Variants in CIMIP7 observed in about 807,000 individuals in gnomAD.
The protein encoded by CIMIP7 is uncharacterized protein C3orf84.
chr3:49,189,131 AGC>A, the CIMIP7 span, among the ~76,000 whole-genome samples: 2 of 151,990 alleles, frequency 1.3e-5, no homozygotes, highest in Non-Finnish European at 2.9e-5. Context: ...CACCAAGCCC[AGC>A]TAATTTTGTA....
chr3:49,183,044 A>G, the CIMIP7 span, among the ~76,000 whole-genome samples: 1 of 152,156 alleles, frequency 6.6e-6, no homozygotes, highest in Non-Finnish European at 1.5e-5. Context: ...GGGCCTCGGC[A>G]AGCCCAGGAA....
chr3:49,190,491 T>G, the CIMIP7 span, among the ~76,000 whole-genome samples: 2 of 148,700 alleles, frequency 1.3e-5, no homozygotes, highest in South Asian at 2.1e-4. Context: ...TGTTGTTCTC[T>G]CCACAATTTT....
the CIMIP7 span, among the ~76,000 whole-genome samples, chr3:49,181,219 G>A: frequency 1.3e-5 from 2 of 151,726 alleles, no homozygotes; most frequent in Admixed American, 1.3e-4. Flanking sequence ...GTGGGCGCCT[G>A]TAATCCCAGC....
At chr3:49,178,810 C>A in the CIMIP7 span, among the ~76,000 whole-genome samples, 1 of 152,174 alleles carries the variant, frequency 6.6e-6, no homozygotes, top group African/African-American at 2.4e-5. Context: ...CTAGAACATC[C>A]TCCCATCAGG....
At chr3:49,178,399 C>T in the CIMIP7 span, 1 of 1,293,906 alleles carries the variant, frequency 7.7e-7, no homozygotes, top group Non-Finnish European at 1.1e-6. Context: ...CAGTGTCATC[C>T]CCTCCACCCT....
At chr3:49,178,377 G>A in the CIMIP7 span, 1 of 1,034,366 alleles carries the variant, frequency 9.7e-7, no homozygotes, top group African/African-American at 1.6e-5. Flanking sequence ...GCCTTCATAA[G>A]GAGCCCTCCC....
the CIMIP7 span, among the ~76,000 whole-genome samples, chr3:49,180,027 C>T: frequency 1.3e-5 from 2 of 152,138 alleles, no homozygotes; most frequent in African/African-American, 2.4e-5. Context: ...AATCCCAGCA[C>T]TTTGGGAGGC....
chr3:49,191,016 T>C, the CIMIP7 span, among the ~76,000 whole-genome samples: 1 of 152,130 alleles, frequency 6.6e-6, no homozygotes, highest in Admixed American at 6.6e-5. Flanking sequence ...AATAAGCAAC[T>C]ATCAGAGGTC....
At chr3:49,191,840 A>C in the CIMIP7 span, 1 of 1,474,474 alleles carries the variant, frequency 6.8e-7, no homozygotes, top group Non-Finnish European at 9.2e-7. Flanking sequence ...CAGGAAAGAG[A>C]ATCTCTGGAG....
At chr3:49,191,615 G>A in the CIMIP7 span, 3 of 974,520 alleles carry the variant, frequency 3.1e-6, no homozygotes, top group Non-Finnish European at 4.9e-6. Context: ...GAGAGGAAGT[G>A]GGCGGCTCAG....
At chr3:49,191,632 A>G in the CIMIP7 span, 1 of 1,216,908 alleles carries the variant, frequency 8.2e-7, no homozygotes. Context: ...TCAGGGTCCT[A>G]TTCCAGGTTG....
chr3:49,185,054 G>C, the CIMIP7 span, among the ~76,000 whole-genome samples: 1 of 151,864 alleles, frequency 6.6e-6, no homozygotes, highest in East Asian at 2.0e-4. Flanking sequence ...CTGAGGTCGG[G>C]AGTTCAAGAC....
chr3:49,188,736 C>T, the CIMIP7 span, among the ~76,000 whole-genome samples: 5 of 152,080 alleles, frequency 3.3e-5, no homozygotes, highest in Non-Finnish European at 5.9e-5. Context: ...CATACCCTTC[C>T]GAGTTCTGCT....
the CIMIP7 span, among the ~76,000 whole-genome samples, chr3:49,185,346 C>T: frequency 4.6e-5 from 7 of 151,908 alleles, no homozygotes; most frequent in Non-Finnish European, 5.9e-5. Flanking sequence ...AGGTGGATCA[C>T]CCGAGATCAG....
the CIMIP7 span, among the ~76,000 whole-genome samples, chr3:49,185,394 G>A: frequency 6.6e-6 from 1 of 150,842 alleles, no homozygotes; most frequent in East Asian, 2.0e-4. Context: ...GTGAAACCCT[G>A]TCTCTACTAA....
chr3:49,186,889 G>T, the CIMIP7 span, among the ~76,000 whole-genome samples: 1 of 152,174 alleles, frequency 6.6e-6, no homozygotes, highest in East Asian at 1.9e-4. Flanking sequence ...AAGTGTAAAA[G>T]AAATCTCTAT....
At chr3:49,187,024 A>G in the CIMIP7 span, among the ~76,000 whole-genome samples, 2 of 152,202 alleles carry the variant, frequency 1.3e-5, no homozygotes, top group African/African-American at 2.4e-5. Flanking sequence ...ATCCTCAGCT[A>G]CTGAATTACA....
the CIMIP7 span, chr3:49,178,540 T>C: frequency 6.2e-7 from 1 of 1,612,938 alleles, no homozygotes; most frequent in Non-Finnish European, 8.5e-7. Flanking sequence ...CGCCGGCTCC[T>C]TGAAAGACAG....
the CIMIP7 span, among the ~76,000 whole-genome samples, chr3:49,186,942 A>G: frequency 3.3e-5 from 5 of 152,166 alleles, no homozygotes; most frequent in South Asian, 6.2e-4. Context: ...ATTTCAATGA[A>G]AGTTTCAATT....
Sources: gnomAD v4.1 joint callset for allele counts (sites outside exome capture counted in the v4.1 genomes callset) on GRCh38, gnomAD v4.1.1 for gene constraint, MANE v1.5 for transcripts, NCBI Gene and HGNC (gene_info 2026-07-23, HGNC 2026-07-21) for gene names.